CNTN5: variants seen among roughly 807,000 people sequenced by gnomAD.
CNTN5 encodes contactin-5.
CNTN5 carries 77 observed loss-of-function variants against 129.1 expected under a neutral mutation model. The observed-to-expected ratio is 0.60, with a 90% CI of 0.50 to 0.72. The LOEUF (loss-of-function observed/expected upper bound fraction) is 0.72, where lower values mean the gene tolerates loss of function less well. Among genes scored for constraint, CNTN5 ranks in the 30% least tolerant of loss-of-function variants. CNTN5 has a pLI of 0.00. For missense variants in CNTN5, 1,478 were observed against 1,328.8 expected, an observed-to-expected ratio of 1.11 and a Z score of -1.75; for synonymous variants, 509 against 465.6, an observed-to-expected ratio of 1.09 and a Z score of -1.20.
At chr11:99,736,997 G>C (rs1943731778) in intron 3 of CNTN5, among the ~76,000 whole-genome samples, 1 of 152,160 alleles carries the variant, frequency 6.6e-6, no homozygotes, top group Non-Finnish European at 1.5e-5. Flanking sequence ...CCCAAGCACA[G>C]TGAACTTAGC....
intron 24 of CNTN5, among the ~76,000 whole-genome samples, chr11:100,351,726 G>T (rs1952419149): frequency 6.7e-6 from 1 of 148,276 alleles, no homozygotes; most frequent in Admixed American, 6.8e-5. Context: ...AATTTTATGA[G>T]AACATTATGA....
chr11:99,279,530 A>G (rs1049353664), intron 1 of CNTN5, among the ~76,000 whole-genome samples: 1 of 151,822 alleles, frequency 6.6e-6, no homozygotes, highest in African/African-American at 2.4e-5. Flanking sequence ...TTAATGAACC[A>G]GTTTAAAGGG....
intron 3 of CNTN5, among the ~76,000 whole-genome samples, chr11:99,697,316 G>GGAGAGAGA (rs1162972866): frequency 6.6e-6 from 1 of 150,476 alleles, no homozygotes; most frequent in South Asian, 2.1e-4. Flanking sequence ...AAAAAGAGGG[G>GGAGAGAGA]GAGAGAGAGA....
intron 3 of CNTN5, among the ~76,000 whole-genome samples, chr11:99,631,745 G>T (rs1046152666): frequency 6.6e-6 from 1 of 151,726 alleles, no homozygotes; most frequent in Non-Finnish European, 1.5e-5. Flanking sequence ...GAGGTTCAGA[G>T]AAGTTAAATG....
chr11:99,950,755 T>C (rs1275742175), intron 7 of CNTN5, among the ~76,000 whole-genome samples: 2 of 152,250 alleles, frequency 1.3e-5, no homozygotes, highest in Non-Finnish European at 2.9e-5. Flanking sequence ...AAGTGGCTTG[T>C]GTAATTCTCA....
chr11:100,263,322 A>G (rs2138755368), intron 17 of CNTN5, among the ~76,000 whole-genome samples: 1 of 152,294 alleles, frequency 6.6e-6, no homozygotes, highest in East Asian at 1.9e-4. Context: ...TTAAAACTCA[A>G]CCAGAATATT....
intron 2 of CNTN5, among the ~76,000 whole-genome samples, chr11:99,370,399 G>C (rs78504781): frequency 0.075 from 11,341 of 152,226 alleles, 492 homozygotes; most frequent in Admixed American, 0.13. Context: ...TGACTAAATT[G>C]CTGAAATTAT....
intron 15 of CNTN5, among the ~76,000 whole-genome samples, chr11:100,196,679 C>T (rs1488053127): frequency 6.6e-6 from 1 of 151,846 alleles, no homozygotes; most frequent in Admixed American, 6.6e-5. Flanking sequence ...TTATGTTGCC[C>T]TCTTAGGCCA....
chr11:99,465,077 T>A (rs916591942), intron 2 of CNTN5, among the ~76,000 whole-genome samples: 5 of 152,166 alleles, frequency 3.3e-5, no homozygotes, highest in Non-Finnish European at 7.4e-5. Flanking sequence ...TGCAGAAAAA[T>A]GTATGCAAGA....
chr11:99,059,508 G>T (rs961819670), intron 1 of CNTN5, among the ~76,000 whole-genome samples: 2 of 151,980 alleles, frequency 1.3e-5, no homozygotes, highest in African/African-American at 4.8e-5. Context: ...GTCATTTATG[G>T]GTCTGAATGA....
At chr11:100,281,475 G>A (rs940015465) in intron 18 of CNTN5, among the ~76,000 whole-genome samples, 2 of 151,984 alleles carry the variant, frequency 1.3e-5, no homozygotes, top group African/African-American at 4.8e-5. Context: ...GAGCTCCTTT[G>A]TATGTTATTT....
chr11:99,195,144 T>A (rs750916021), intron 1 of CNTN5, among the ~76,000 whole-genome samples: 4 of 152,166 alleles, frequency 2.6e-5, no homozygotes, highest in Non-Finnish European at 5.9e-5. Flanking sequence ...TGAAGGATTA[T>A]ATTTTATTTA....
intron 17 of CNTN5, among the ~76,000 whole-genome samples, chr11:100,256,417 A>T (rs1210873868): frequency 2.0e-5 from 3 of 152,176 alleles, no homozygotes; most frequent in African/African-American, 7.2e-5. Context: ...GACAATCAGG[A>T]TATAGATCAG....
At chr11:99,768,065 A>G (rs1944816685) in intron 3 of CNTN5, among the ~76,000 whole-genome samples, 2 of 152,086 alleles carry the variant, frequency 1.3e-5, no homozygotes, top group South Asian at 2.1e-4. Context: ...TTGCACTGCA[A>G]GACTGAGTTG....
chr11:99,098,071 C>G (rs1397812046), intron 1 of CNTN5, among the ~76,000 whole-genome samples: 1 of 151,914 alleles, frequency 6.6e-6, no homozygotes, highest in Admixed American at 6.6e-5. Context: ...CTCATTTGCC[C>G]TGTAGTTAAC....
intron 1 of CNTN5, among the ~76,000 whole-genome samples, chr11:99,198,945 C>T (rs929834926): frequency 4.6e-5 from 7 of 151,742 alleles, no homozygotes; most frequent in African/African-American, 7.3e-5. Context: ...AGTATTTGTG[C>T]GTAATAAATG....
chr11:100,352,929 G>A (rs1004643471), intron 24 of CNTN5, among the ~76,000 whole-genome samples: 4 of 151,654 alleles, frequency 2.6e-5, no homozygotes, highest in South Asian at 4.2e-4. Flanking sequence ...ATTTACTGAG[G>A]CCTCATCACG....
chr11:99,059,934 A>C (rs1222953438), intron 1 of CNTN5, among the ~76,000 whole-genome samples: 2 of 152,100 alleles, frequency 1.3e-5, no homozygotes, highest in East Asian at 3.9e-4. Context: ...TCAGTGGTTC[A>C]TAAAACATGA....
chr11:100,021,017 T>C (rs1009037470), intron 9 of CNTN5, among the ~76,000 whole-genome samples: 3 of 152,174 alleles, frequency 2.0e-5, no homozygotes, highest in Admixed American at 6.6e-5. Flanking sequence ...ACGAATTCAA[T>C]GCAGTCCCTA....
Sources: gnomAD v4.1 joint callset for allele counts (sites outside exome capture counted in the v4.1 genomes callset) on GRCh38, gnomAD v4.1.1 for gene constraint, MANE v1.5 for transcripts, NCBI Gene and HGNC (gene_info 2026-07-23, HGNC 2026-07-21) for gene names.